The following ZNF675 variants were observed in gnomAD, a reference collection of about 807,000 sequenced individuals.
ZNF675 encodes zinc finger protein 675, also known as TRAF6 inhibitory zinc finger.
In ZNF675, 36 loss-of-function variants were observed where a neutral mutation model predicts 56.1. The observed-to-expected ratio is 0.64, with a 90% CI of 0.49 to 0.85. The LOEUF is 0.85. ZNF675 is among the 40% of genes least tolerant of loss of function. The pLI, the probability that ZNF675 is intolerant of heterozygous loss-of-function variation, is 0.00. For missense variants in ZNF675, 663 were observed against 654.2 expected, an observed-to-expected ratio of 1.01 and a Z score of -0.15; for synonymous variants, 200 against 218.9, an observed-to-expected ratio of 0.91 and a Z score of 0.76.
At chr19:23,660,992 C>T (rs1349823593) in intron 3 of ZNF675, among the ~76,000 whole-genome samples, 1 of 148,920 alleles carries the variant, frequency 6.7e-6, no homozygotes, top group Non-Finnish European at 1.5e-5. Context: ...TGCAGTGGCA[C>T]AAACTTGGCT....
chr19:23,665,704 G>A (rs1036116718), intron 1 of ZNF675, among the ~76,000 whole-genome samples: 2 of 152,054 alleles, frequency 1.3e-5, no homozygotes, highest in Non-Finnish European at 2.9e-5. Context: ...TCACCATGTC[G>A]GTCAGGCTGG....
At chr19:23,668,193 C>T (rs559451986) in intron 1 of ZNF675, among the ~76,000 whole-genome samples, 10 of 151,594 alleles carry the variant, frequency 6.6e-5, no homozygotes, top group South Asian at 4.2e-4. Context: ...TACAGAGTGC[C>T]GATTGGTGTA....
Position 23,653,657 on chromosome 19 carries a change from A to G in ZNF675, c.1276T>C (p.Cys426Arg), listed in dbSNP as rs749350696. Residue 426 changes from cysteine to arginine, a missense_variant, in exon 4 of 4, where the codon TGT (cysteine) becomes CGT (arginine). Cys to Arg is a radical substitution (Grantham distance 180). This residue lies in a region of ZNF675 where 617 missense variants were observed against 590.5 expected (regional missense o/e 1.04). Coordinates refer to ENST00000359788, the MANE Select transcript of ZNF675 (RefSeq NM_138330.3). ...RIHTGEKPYK[C>R]EECGKAFNRS... ...TTAAAAGCTTTGCCACATTCTTCAC[A>G]TTTGTAGGGTTTCTCTCCAGTGTGA... 3 of 1,613,710 alleles carry G rather than the reference A, an allele frequency of 1.9e-6. No homozygotes were observed. In the South Asian group the frequency reaches 3.3e-5, roughly 18 times the overall value.
chr19:23,682,876 T>C (rs1968394900), intron 1 of ZNF675, among the ~76,000 whole-genome samples: 1 of 151,774 alleles, frequency 6.6e-6, no homozygotes, highest in African/African-American at 2.4e-5. Context: ...TAAAGTATTA[T>C]TTTATTATTT....
At chr19:23,655,480 G>C (rs1256389371) in intron 3 of ZNF675, 1 of 151,360 alleles carries the variant, frequency 6.6e-6, no homozygotes, top group Non-Finnish European at 1.5e-5. Flanking sequence ...AAAGAAGCCA[G>C]GTTTTCTTTT....
rs1428988958 is a variant in ZNF675, at chr19:23,654,843, T to A, written c.227-137A>T. The A allele has an allele frequency of 3.5e-5, 20 of 564,068 alleles. No homozygotes were observed. The South Asian group carries it at 8.0e-4, about 23-fold the overall frequency. The allele number at this position is 564,068 out of a possible 1,614,324, so 34.9% of individuals were successfully genotyped here. On this transcript the variant is annotated intron_variant, in intron 3 of 3. Transcript: ENST00000359788. ...AATTAAGTGTATGTGTTGCCCCAGG[T>A]GAGCACAATGCAAAGAGCCACATAG...
chr19:23,658,852 T>G (rs10421622), intron 3 of ZNF675, among the ~76,000 whole-genome samples: 725 of 3,514 alleles, frequency 0.21, 33 homozygotes, highest in African/African-American at 0.29. Context: ...TATATCTATA[T>G]AGATATAGAA....
intron 1 of ZNF675, among the ~76,000 whole-genome samples, chr19:23,669,937 A>G (rs1227254222): frequency 6.6e-6 from 1 of 151,996 alleles, no homozygotes; most frequent in Non-Finnish European, 1.5e-5. Flanking sequence ...GCTGGCACCT[A>G]TCTAAGGTCA....
rs878875299 is a variant in ZNF675 at position 23,653,880 on chromosome 19, T to C, written c.1053A>G (p.Arg351=). The change falls in exon 4 of 4, where the codon CGA becomes CGG. Residue 351 remains arginine (R), a synonymous_variant. Transcript: ENST00000359788. ...KCEECGKAFN[R]SSKLTEHKNI... is the part of the protein sequence containing the mutation. Reference sequence around the variant, plus strand: ...TTTTATGTTCAGTAAGTTTTGAGGATCGGTTAAAAGCTTTTCCACATTCTT... The same window carrying C: ...TTTTATGTTCAGTAAGTTTTGAGGACCGGTTAAAAGCTTTTCCACATTCTT... 1 of 1,613,762 alleles carries C rather than the reference T, an allele frequency of 6.2e-7. No homozygotes were observed. The highest frequency in any genetic ancestry group is 8.5e-7 in the Non-Finnish European group (1 of 1,179,826).
At chr19:23,659,270 A>G (rs1968045169) in intron 3 of ZNF675, among the ~76,000 whole-genome samples, 1 of 152,126 alleles carries the variant, frequency 6.6e-6, no homozygotes, top group African/African-American at 2.4e-5. Context: ...TAAATCTAAA[A>G]TTACAGACAA....
In ZNF675 at chr19:23,662,097, C is replaced by A. The variant is rs199896656; in HGVS notation, c.226+17G>T. ...TCATCAGTGTCACCTGTTGTATTCA[C>A]TTTCATTCTCACTTACCTGGGGGTT... is the stretch of plus-strand genomic sequence containing the variant. On this transcript the variant is annotated intron_variant, in intron 3 of 3. Transcript: ENST00000359788. 105 of 1,594,938 alleles carry A rather than the reference C, an allele frequency of 6.6e-5. No homozygotes were observed. The highest frequency in any genetic ancestry group is 4.2e-4 in the Admixed American group (25 of 59,912).
At chr19:23,680,507 C>T (rs1324538079) in intron 1 of ZNF675, among the ~76,000 whole-genome samples, 1 of 151,396 alleles carries the variant, frequency 6.6e-6, no homozygotes, top group African/African-American at 2.4e-5. Context: ...GCCTGTAATC[C>T]CAGCACTTTG....
chr19:23,655,821 T>C (rs756928243), intron 3 of ZNF675: 4 of 152,216 alleles, frequency 2.6e-5, no homozygotes, highest in Non-Finnish European at 5.9e-5. Flanking sequence ...TCTTATTAAA[T>C]TTAAGAATGC....
chr19:23,664,131 G>C (rs1272769543), intron 1 of ZNF675, among the ~76,000 whole-genome samples: 1 of 152,248 alleles, frequency 6.6e-6, no homozygotes, highest in East Asian at 1.9e-4. Context: ...GTCAAAGTTT[G>C]CAAGTACTAA....
chr19:23,677,241 T>G lies in ZNF675; in HGVS notation c.3+9790A>C, dbSNP rs985190756. On this transcript the variant is annotated intron_variant, in intron 1 of 3. Coordinates refer to ENST00000359788, the MANE Select transcript of ZNF675 (RefSeq NM_138330.3). ...CCCAAAAAGAAAGAGGAACTCAAAC[T>G]ATCCCGGGTGCAGATGACATGACTC... 8.2e-5 allele frequency among the ~76,000 whole-genome samples: 12 copies of G among 146,522 alleles called. 1 individual carries two copies. The highest frequency in any genetic ancestry group is 3.1e-4 in the African/African-American group (12 of 38,806).
At chr19:23,681,050 G>T (rs192083089) in intron 1 of ZNF675, among the ~76,000 whole-genome samples, 1 of 151,826 alleles carries the variant, frequency 6.6e-6, no homozygotes, top group African/African-American at 2.4e-5. Flanking sequence ...AATGTAAGTG[G>T]AAGGACTGGT....
intron 1 of ZNF675, among the ~76,000 whole-genome samples, chr19:23,676,472 C>G (rs938263214): frequency 1.3e-5 from 2 of 151,534 alleles, no homozygotes; most frequent in African/African-American, 4.9e-5. Context: ...TACTGAAAAA[C>G]CAAATCCAGC....
intron 1 of ZNF675, among the ~76,000 whole-genome samples, chr19:23,681,268 C>T (rs1243528919): frequency 6.6e-6 from 1 of 151,640 alleles, no homozygotes; most frequent in Non-Finnish European, 1.5e-5. Context: ...ATAAACAATG[C>T]TGTTGTGAAT....
At chr19:23,661,454 G>C (rs1213532714) in intron 3 of ZNF675, among the ~76,000 whole-genome samples, 1 of 151,358 alleles carries the variant, frequency 6.6e-6, no homozygotes, top group East Asian at 1.9e-4. Context: ...ACTTTGAGAA[G>C]CCAAGGTAAG....
Sources: allele counts gnomAD v4.1 joint callset (sites outside exome capture counted in the v4.1 genomes callset), GRCh38; gene constraint gnomAD v4.1.1; regional missense constraint gnomAD v4.1.1; transcripts MANE v1.5; gene names NCBI Gene and HGNC (gene_info 2026-07-23, HGNC 2026-07-21).